GRM7: variants seen among roughly 807,000 people sequenced by gnomAD.
GRM7 encodes the protein metabotropic glutamate receptor 7.
GRM7 carries 35 observed loss-of-function variants against 84.5 expected under a neutral mutation model. That is an observed-to-expected ratio of 0.41 (90% CI 0.32 to 0.55). The LOEUF (loss-of-function observed/expected upper bound fraction) is 0.55. Among genes scored for constraint, GRM7 ranks in the 20% least tolerant of loss-of-function variants. GRM7 has a pLI of 0.19. For missense variants in GRM7, 1,003 were observed against 1,194.6 expected (o/e 0.84, Z 2.36); for synonymous variants, 487 against 455.1 (o/e 1.07, Z -0.89).
intron 8 of GRM7, among the ~76,000 whole-genome samples, chr3:7,652,618 T>G (rs2125115641): frequency 6.6e-6 from 1 of 152,270 alleles, no homozygotes; most frequent in South Asian, 2.1e-4. Context: ...TAGATGGGAC[T>G]CCACCCAGCC....
At chr3:7,454,872 G>C (rs1697938886) in intron 6 of GRM7, among the ~76,000 whole-genome samples, 1 of 152,052 alleles carries the variant, frequency 6.6e-6, no homozygotes, top group South Asian at 2.1e-4. Flanking sequence ...GAGGGCCTGA[G>C]AGCAATGGTA....
chr3:7,229,759 A>ATATATAT (rs1434216248), intron 2 of GRM7, among the ~76,000 whole-genome samples: 10 of 30,422 alleles, frequency 3.3e-4, no homozygotes, highest in Admixed American at 5.4e-4. Flanking sequence ...ATATATATAT[A>ATATATAT]TTTTTTTTTT....
chr3:7,710,778 C>A (rs1373555805), intron 9 of GRM7, among the ~76,000 whole-genome samples: 1 of 152,148 alleles, frequency 6.6e-6, no homozygotes, highest in Non-Finnish European at 1.5e-5. Context: ...AAAGATCTTG[C>A]CCTAGTCTTA....
chr3:7,157,232 A>C (rs538723232), intron 2 of GRM7, among the ~76,000 whole-genome samples: 1 of 152,232 alleles, frequency 6.6e-6, no homozygotes, highest in South Asian at 2.1e-4. Context: ...CATTGGCTAT[A>C]GGTATGTGGG....
intron 1 of GRM7, among the ~76,000 whole-genome samples, chr3:6,927,507 AAGAAAGAAAG>A (rs1559333455): frequency 4.9e-4 from 73 of 149,748 alleles, no homozygotes; most frequent in African/African-American, 1.7e-3. Flanking sequence ...GAAAGAAAGA[AAGAAAGAAAG>A]AAGAGAAAAG....
At chr3:7,309,124 G>C (rs975694810) in intron 4 of GRM7, among the ~76,000 whole-genome samples, 2 of 152,108 alleles carry the variant, frequency 1.3e-5, no homozygotes, top group African/African-American at 4.8e-5. Flanking sequence ...AAATGCTGTG[G>C]CTTCCATCTA....
chr3:7,153,132 G>GTTTTTT (rs1694337702), intron 2 of GRM7, among the ~76,000 whole-genome samples: 1 of 99,062 alleles, frequency 1.0e-5, no homozygotes, highest in African/African-American at 4.8e-5. Flanking sequence ...TGGTACTGTG[G>GTTTTTT]ATTTTTTTTT....
chr3:7,191,412 G>C (rs1695708629), intron 2 of GRM7, among the ~76,000 whole-genome samples: 1 of 151,742 alleles, frequency 6.6e-6, no homozygotes, highest in African/African-American at 2.4e-5. Context: ...TCCCACCCCT[G>C]GGTGTTTATG....
chr3:7,377,753 A>G (rs765369539), intron 4 of GRM7, among the ~76,000 whole-genome samples: 2 of 152,210 alleles, frequency 1.3e-5, no homozygotes, highest in Non-Finnish European at 2.9e-5. Context: ...CTTGGAAAGA[A>G]CATAAAAATA....
At chr3:6,902,615 G>C (rs1696428008) in intron 1 of GRM7, among the ~76,000 whole-genome samples, 1 of 151,982 alleles carries the variant, frequency 6.6e-6, no homozygotes, top group South Asian at 2.1e-4. Context: ...ATGCTTCTAA[G>C]ATTTAGTCTT....
At chr3:6,942,888 C>T (rs1341123346) in intron 1 of GRM7, among the ~76,000 whole-genome samples, 7 of 152,040 alleles carry the variant, frequency 4.6e-5, no homozygotes, top group African/African-American at 1.2e-4. Context: ...CAAACTGTGT[C>T]GGCAATCTGT....
rs188524633 is a variant in GRM7 at position 6,948,352 on chromosome 3, T to C, written c.519+86445T>C. 2.6e-5 allele frequency among the ~76,000 whole-genome samples: 4 copies of C among 152,372 alleles called. No homozygotes were observed. The East Asian group carries it at 7.7e-4, about 29-fold the overall frequency. On this transcript the variant is annotated intron_variant, in intron 1 of 9. Transcript: ENST00000357716. ...AGGAGCTGGTTGTTCAGTTCCCATG[T>C]AGCTGAGCGGTTTTGAGTGAGTTTC... is the stretch of plus-strand genomic sequence containing the variant.
chr3:6,896,097 G>A (rs1696172469), intron 1 of GRM7, among the ~76,000 whole-genome samples: 1 of 152,048 alleles, frequency 6.6e-6, no homozygotes, highest in African/African-American at 2.4e-5. Flanking sequence ...AGATTAATGG[G>A]CCATTTTTTC....
chr3:6,889,302 C>G (rs1695836682), intron 1 of GRM7, among the ~76,000 whole-genome samples: 1 of 152,154 alleles, frequency 6.6e-6, no homozygotes, highest in South Asian at 2.1e-4. Context: ...GCATCCCTTT[C>G]TTGTGCCAGT....
chr3:7,672,816 C>T (rs925532676), intron 8 of GRM7, among the ~76,000 whole-genome samples: 3 of 152,034 alleles, frequency 2.0e-5, no homozygotes, highest in Middle Eastern at 3.4e-3. Flanking sequence ...ACCGTGGTCT[C>T]GATCTCCTGA....
chr3:7,673,284 A>G lies in GRM7; in HGVS notation c.2452-6765A>G, dbSNP rs181010551. Among the ~76,000 whole-genome samples the G allele has an allele frequency of 2.8e-3, 425 of 152,332 alleles. 7 individuals carry two copies. The highest frequency in any genetic ancestry group is 0.02 in the Middle Eastern group (6 of 294). On this transcript the variant is annotated intron_variant, in intron 8 of 9. Transcript: ENST00000357716. ...CTTGAAACAGTGCTAAATGCCAAGA[A>G]TATTGATCATACCTAATACTTGCTT...
At chr3:7,732,361 A>C (rs985435322) in intron 9 of GRM7, among the ~76,000 whole-genome samples, 2 of 152,214 alleles carry the variant, frequency 1.3e-5, no homozygotes, top group African/African-American at 4.8e-5. Flanking sequence ...TAATGTCAGA[A>C]ACACACATGA....
intron 7 of GRM7, among the ~76,000 whole-genome samples, chr3:7,536,110 G>C (rs926231224): frequency 7.9e-5 from 12 of 152,178 alleles, no homozygotes; most frequent in Non-Finnish European, 1.6e-4. Flanking sequence ...CCAAAAGTGT[G>C]TGGTGGCTCA....
intron 2 of GRM7, among the ~76,000 whole-genome samples, chr3:7,152,511 T>A (rs1326763254): frequency 6.6e-6 from 1 of 152,202 alleles, no homozygotes; most frequent in Non-Finnish European, 1.5e-5. Context: ...CTTTTTCATA[T>A]TTACCTTGAG....
Sources: allele counts gnomAD v4.1 joint callset (sites outside exome capture counted in the v4.1 genomes callset), GRCh38; gene constraint gnomAD v4.1.1; transcripts MANE v1.5; gene names NCBI Gene and HGNC (gene_info 2026-07-23, HGNC 2026-07-21).